ZBTB38: variants seen among roughly 807,000 people sequenced by gnomAD.
ZBTB38 encodes zinc finger and BTB domain containing 38, also known as zinc finger and BTB domain-containing protein 38.
ZBTB38 carries 20 observed loss-of-function variants against 76.8 expected under a neutral mutation model. That is an observed-to-expected ratio of 0.26 (90% confidence interval 0.18 to 0.38). The LOEUF (loss-of-function observed/expected upper bound fraction) is 0.38, where lower values mean the gene tolerates loss of function less well. Among genes scored for constraint, ZBTB38 ranks in the 10% least tolerant of loss-of-function variants. The pLI is 1.00. For missense variants in ZBTB38, 1,082 were observed against 1,482.3 expected (o/e 0.73, Z 4.43); for synonymous variants, 504 against 544.2 (o/e 0.93, Z 1.03).
At chr3:141,346,784 G>T (rs13068060) in intron 1 of ZBTB38, among the ~76,000 whole-genome samples, 43 of 85,562 alleles carry the variant, frequency 5.0e-4, no homozygotes, top group Non-Finnish European at 9.7e-4. Flanking sequence ...GTTTTGTTTT[G>T]TGTGTGTGTG....
chr3:141,426,189 G>A, intron 5 of ZBTB38: 1 of 1,289,360 alleles, frequency 7.8e-7, no homozygotes. Flanking sequence ...TCATAGTGTA[G>A]TCAGAAGTCA....
At chr3:141,431,341 A>AAAAAAAAAT in intron 5 of ZBTB38, among the ~76,000 whole-genome samples, 1 of 103,296 alleles carries the variant, frequency 9.7e-6, no homozygotes, top group African/African-American at 6.0e-5. Context: ...AAAAAAAAAA[A>AAAAAAAAAT]ATATATATAT....
rs1298546226 is a variant in ZBTB38, at chr3:141,446,943, C to G, written c.*967C>G. The G allele has an allele frequency of 6.6e-6, 1 of 151,786 alleles. No individual in the cohort carries two copies. Among genetic ancestry groups the G allele is most frequent in the Non-Finnish European group, 1.5e-5 (1 of 68,084 alleles). The allele number at this position is 151,786 out of a possible 1,614,324, so 9.4% of individuals were successfully genotyped here. A position where few individuals can be genotyped will look rare whatever the true frequency, so the allele number is the denominator to read the frequency against. Reference sequence around the variant, plus strand: ...GAAACTCTCTGCAGTCTTCCAACCACCACAAGGCCATGGATGTGGGGGTCT... The same window carrying G: ...GAAACTCTCTGCAGTCTTCCAACCAGCACAAGGCCATGGATGTGGGGGTCT... On this transcript the variant is annotated 3_prime_UTR_variant, in exon 6 of 6. Transcript: ENST00000321464.
chr3:141,371,655 A>C (rs2149031915), intron 2 of ZBTB38, among the ~76,000 whole-genome samples: 1 of 152,322 alleles, frequency 6.6e-6, no homozygotes, highest in African/African-American at 2.4e-5. Flanking sequence ...GAAACATTTA[A>C]AAGTAGACTA....
At chr3:141,430,667 G>A (rs1225141448) in intron 5 of ZBTB38, among the ~76,000 whole-genome samples, 1 of 152,180 alleles carries the variant, frequency 6.6e-6, no homozygotes, top group Admixed American at 6.5e-5. Context: ...AGTGGGGAGC[G>A]GCAGTGCAGT....
At chr3:141,341,857 A>G (rs1943206220) in intron 1 of ZBTB38, among the ~76,000 whole-genome samples, 1 of 152,260 alleles carries the variant, frequency 6.6e-6, no homozygotes, top group African/African-American at 2.4e-5. Context: ...GAATGTGTGT[A>G]TAAGATGATA....
chr3:141,439,520 A>G (rs1577490959), intron 5 of ZBTB38, among the ~76,000 whole-genome samples: 2 of 152,238 alleles, frequency 1.3e-5, no homozygotes, highest in Admixed American at 6.5e-5. Flanking sequence ...TCCTAGTTGA[A>G]CAATCTGAGA....
Position 141,432,385 on chromosome 3 carries a change from G to A in ZBTB38, c.1-10004G>A, listed in dbSNP as rs1367641048. On this transcript the variant is annotated intron_variant, in intron 5 of 5. Coordinates refer to ENST00000321464, the MANE Select transcript of ZBTB38 (RefSeq NM_001376113.1). Reference sequence around the variant, plus strand: ...TATTATGTACGTTAGGAGCTGCGTGGCCAAGGGCTGGCAAGAGGGCTCTTG... The same window carrying A: ...TATTATGTACGTTAGGAGCTGCGTGACCAAGGGCTGGCAAGAGGGCTCTTG... 15 of 674,844 alleles carry A rather than the reference G, an allele frequency of 2.2e-5. No individual in the cohort carries two copies. In the East Asian group the frequency reaches 2.0e-3, roughly 91 times the overall value. The allele number at this position is 674,844 out of a possible 1,614,324, so 41.8% of individuals were successfully genotyped here.
chr3:141,403,040 A>G (rs1162472696), intron 4 of ZBTB38: 1 of 152,232 alleles, frequency 6.6e-6, no homozygotes, highest in Admixed American at 6.5e-5. Flanking sequence ...CTGTTGGTAC[A>G]ACATACAACA....
At chr3:141,390,529 G>A (rs1461230813) in intron 4 of ZBTB38, among the ~76,000 whole-genome samples, 1 of 152,132 alleles carries the variant, frequency 6.6e-6, no homozygotes, top group East Asian at 1.9e-4. Context: ...TGGATCCCCC[G>A]GAGATGGACT....
rs1016379008 is a variant in ZBTB38, at chr3:141,449,489, T to A, written c.*3513T>A. ...AAATACGTTCCGTCGTCACAGACTC[T>A]ACTCCTAAACTTAGCTAACTAACTA... On this transcript the variant is annotated 3_prime_UTR_variant, in exon 6 of 6. Coordinates refer to ENST00000321464, the MANE Select transcript of ZBTB38 (RefSeq NM_001376113.1). 3 of 152,222 alleles carry A rather than the reference T, an allele frequency of 2.0e-5. No individual in the cohort carries two copies. The highest frequency in any genetic ancestry group is 7.2e-5 in the African/African-American group (3 of 41,456). The allele number at this position is 152,222 out of a possible 1,614,324, so 9.4% of individuals were successfully genotyped here.
chr3:141,328,127 C>T (rs1942730708), intron 1 of ZBTB38, among the ~76,000 whole-genome samples: 1 of 152,216 alleles, frequency 6.6e-6, no homozygotes, highest in African/African-American at 2.4e-5. Context: ...CACGCCGCTG[C>T]ACAGAAACAG....
Position 141,381,424 on chromosome 3 carries a change from G to A in ZBTB38, c.-234-1G>A, listed in dbSNP as rs1395360136. The A allele has an allele frequency of 3.3e-5, 5 of 152,426 alleles. No individual in the cohort carries two copies. The East Asian group carries it at 9.6e-4, about 29-fold the overall frequency. The allele number at this position is 152,426 out of a possible 1,614,324, so 9.4% of individuals were successfully genotyped here. A position where few individuals can be genotyped will look rare whatever the true frequency, so the allele number is the denominator to read the frequency against. On this transcript the variant is annotated splice_acceptor_variant, in intron 2 of 5. Transcript: ENST00000321464. LOFTEE classifies it low-confidence loss of function (5UTR_SPLICE). ...GGTTTACAGTTCCCTTTTCCTTCCAGCTCTTTCCTGGAGAGTAACCCCAGT... is the reference window on the plus strand; with the variant it reads ...GGTTTACAGTTCCCTTTTCCTTCCAACTCTTTCCTGGAGAGTAACCCCAGT...
Position 141,442,413 on chromosome 3 carries a change from G to A in ZBTB38, c.25G>A (p.Asp9Asn). ...GATGACAGTCATGTCCCTTTCCAGG[G>A]ACCTCAAGGACGACTTTCACAGTGA... MTVMSLSRDLKDDFHSDTV... is the reference protein window; with the variant it reads MTVMSLSRNLKDDFHSDTV... Residue 9 changes from aspartate to asparagine, a missense_variant, in exon 6 of 6, where the codon GAC (aspartate) becomes AAC (asparagine). Physicochemically the swap from Asp to Asn is conservative, Grantham distance 23 (BLOSUM62 1). Transcript: ENST00000321464. This position sits in a 1 kb window ranked among gnomAD's most constrained non-coding sequence, Gnocchi z 6.4. The A allele has an allele frequency of 6.2e-7, 1 of 1,613,536 alleles. No homozygotes were observed.
At chr3:141,362,587 C>T (rs893839726) in intron 1 of ZBTB38, among the ~76,000 whole-genome samples, 4 of 152,144 alleles carry the variant, frequency 2.6e-5, no homozygotes, top group Non-Finnish European at 4.4e-5. Flanking sequence ...TCTTCCTGCC[C>T]ACTAACAAGA....
At position 141,444,364 on chromosome 3, in the gene ZBTB38, C is replaced by A. The variant is rs748648000; in HGVS notation, c.1976C>A (p.Ala659Glu). Residue 659 changes from alanine to glutamate, a missense_variant, in exon 6 of 6, where the codon GCA (alanine) becomes GAA (glutamate). By Grantham distance (107) the Ala-to-Glu change is moderately radical. This residue lies in a region of ZBTB38 where 471 missense variants were observed against 581.0 expected (regional missense o/e 0.81). Coordinates refer to ENST00000321464, the MANE Select transcript of ZBTB38 (RefSeq NM_001376113.1). This position sits in a 1 kb window ranked among gnomAD's most constrained non-coding sequence, Gnocchi z 5.1. ...NAEGTKWGEE[A>E]LKMDLDNNFY... Reference sequence around the variant, plus strand: ...GAGGGTACCAAATGGGGAGAGGAGGCATTGAAAATGGATCTTGACAATAAC... The same window carrying A: ...GAGGGTACCAAATGGGGAGAGGAGGAATTGAAAATGGATCTTGACAATAAC... 1 of 1,614,142 alleles carries A rather than the reference C, an allele frequency of 6.2e-7. No homozygotes were observed. The highest frequency in any genetic ancestry group is 1.1e-5 in the South Asian group (1 of 91,076).
At chr3:141,402,962 A>C (rs564300217) in intron 4 of ZBTB38, 2 of 152,428 alleles carry the variant, frequency 1.3e-5, no homozygotes, top group Admixed American at 6.5e-5. Flanking sequence ...AGGGACGTGC[A>C]AAGGCAGGGA....
intron 4 of ZBTB38, among the ~76,000 whole-genome samples, chr3:141,395,366 G>A (rs113170464): frequency 0.024 from 3,641 of 152,050 alleles, 153 homozygotes; most frequent in African/African-American, 0.083. Flanking sequence ...TTCTCAAGTC[G>A]GATAAACAAC....
intron 1 of ZBTB38, among the ~76,000 whole-genome samples, chr3:141,351,950 G>A (rs1406148820): frequency 6.6e-6 from 1 of 151,970 alleles, no homozygotes; most frequent in African/African-American, 2.4e-5. Context: ...ATAAAGTCTT[G>A]TTTTTGTAAG....
Sources: allele counts gnomAD v4.1 joint callset (sites outside exome capture counted in the v4.1 genomes callset), GRCh38; gene constraint gnomAD v4.1.1; regional missense constraint gnomAD v4.1.1; non-coding constraint Gnocchi (gnomAD v3.1); transcripts MANE v1.5; gene names NCBI Gene and HGNC (gene_info 2026-07-23, HGNC 2026-07-21).